Variants in NBPF20 observed in about 807,000 individuals in gnomAD.
NBPF20 encodes the protein NBPF member 20, also known as NBPF family member NBPF20.
NBPF20 carries 90 observed loss-of-function variants against 68.1 expected under a neutral mutation model. That is an observed-to-expected ratio of 1.32 (90% CI 1.11 to 1.58). The LOEUF (loss-of-function observed/expected upper bound fraction) is 1.58. NBPF20 is among the 40% of genes most tolerant of loss of function. The pLI is 0.00. For synonymous variants in NBPF20, 290 were observed against 228.1 expected (o/e 1.27, Z -2.45); for missense variants, 816 against 601.2 (o/e 1.36, Z -3.74).
upstream of NBPF20, among the ~76,000 whole-genome samples, chr1:145,410,288 C>T (rs1553668675): frequency 6.6e-6 from 1 of 151,632 alleles, no homozygotes. Flanking sequence ...AGCATCTTTT[C>T]CTATGCTAAT....
At chr1:145,396,896 C>A (rs1662274208) in intron 7 of NBPF20, among the ~76,000 whole-genome samples, 1 of 125,046 alleles carries the variant, frequency 8.0e-6, no homozygotes, top group Non-Finnish European at 1.7e-5. Context: ...TTAGGTATAT[C>A]TCCTAATGCT....
chr1:145,404,241 T>A (rs1233230078), intron 2 of NBPF20, among the ~76,000 whole-genome samples: 1 of 130,224 alleles, frequency 7.7e-6, no homozygotes, highest in African/African-American at 3.1e-5. Context: ...TTTTTATTTT[T>A]ATTTTTGATT....
At chr1:145,415,082 G>A in the NBPF20 span, among the ~76,000 whole-genome samples, 2 of 152,076 alleles carry the variant, frequency 1.3e-5, no homozygotes, top group African/African-American at 2.4e-5. Context: ...CCGGAGAGGG[G>A]GATGTGGCAG....
intron 3 of NBPF20, 129 bp downstream of exon 8, chr1:145,403,087 A>T: frequency 2.0e-6 from 2 of 980,668 alleles, no homozygotes; most frequent in South Asian, 1.3e-5. Context: ...ATTTATGTGT[A>T]GCGAGCCTGC....
intron 137 of NBPF20, 112 bp downstream of exon 142, chr1:145,292,269 G>C: frequency 1.6e-6 from 1 of 615,884 alleles, no homozygotes. Context: ...ATGACAGTAG[G>C]AGTAATTCAG....
In NBPF20 at chr1:145,394,636, G is replaced by T. The variant is rs1360497444; in HGVS notation, c.991+342C>A. On this transcript the variant is annotated intron_variant, in intron 8 of 137. Transcript: ENST00000369373. Reference sequence around the variant, plus strand: ...TCATAAGGAATTTTGTAGCTGGCAAGAGACATTTAATTCAGATGAGCTGAG... The same window carrying T: ...TCATAAGGAATTTTGTAGCTGGCAATAGACATTTAATTCAGATGAGCTGAG... 1.6e-4 allele frequency among the ~76,000 whole-genome samples: 24 copies of T among 152,158 alleles called. No individual in the cohort carries two copies. In the South Asian group the frequency reaches 4.8e-3, roughly 30 times the overall value.
intron 43 of NBPF20, among the ~76,000 whole-genome samples, chr1:145,366,605 C>G (rs1314164058): frequency 4.5e-4 from 40 of 88,588 alleles, no homozygotes; most frequent in African/African-American, 1.1e-3. Flanking sequence ...CACACACACA[C>G]ACAGAGAGAA....
At chr1:145,291,438 C>T (rs587649160) in exon 138 of NBPF20, 15 of 1,611,002 alleles carry the variant, frequency 9.3e-6, no homozygotes, top group Middle Eastern at 4.5e-4. Context: ...GTCTGGGCTT[C>T]CAAATGGAAC....
upstream of NBPF20, among the ~76,000 whole-genome samples, chr1:145,407,198 T>C (rs1407991467): frequency 6.6e-6 from 1 of 150,648 alleles, no homozygotes; most frequent in Non-Finnish European, 1.5e-5. Flanking sequence ...GGTGCGAGCA[T>C]GTTCTCACTC....
At chr1:145,366,837 G>T (rs1661709314) in intron 43 of NBPF20, among the ~76,000 whole-genome samples, 166 bp downstream of exon 48, 1 of 19,376 alleles carries the variant, frequency 5.2e-5, no homozygotes. Context: ...AGGAAGAAAT[G>T]GAAACCTAAA....
intron 7 of NBPF20, among the ~76,000 whole-genome samples, chr1:145,396,772 A>G (rs1662266645): frequency 6.7e-6 from 1 of 149,024 alleles, no homozygotes. Flanking sequence ...ATATATATAT[A>G]CAGATATATA....
upstream of NBPF20, chr1:145,405,928 T>C (rs1258322075): frequency 5.9e-6 from 1 of 170,802 alleles, no homozygotes; most frequent in Non-Finnish European, 1.3e-5. Context: ...TTTTCTTTTT[T>C]TTTTTTTGGA....
the NBPF20 span, among the ~76,000 whole-genome samples, chr1:145,411,092 C>G: frequency 3.4e-5 from 5 of 145,656 alleles, no homozygotes; most frequent in East Asian, 1.0e-3. Context: ...AATTCATTCA[C>G]CATTATTCTT....
chr1:145,425,353 C>G, the NBPF20 span, among the ~76,000 whole-genome samples: 1 of 152,084 alleles, frequency 6.6e-6, no homozygotes, highest in South Asian at 2.1e-4. Flanking sequence ...GCGCCTTCAC[C>G]TCGGAAACGC....
upstream of NBPF20, among the ~76,000 whole-genome samples, chr1:145,406,005 G>C (rs1407056091): frequency 2.7e-5 from 4 of 149,090 alleles, no homozygotes; most frequent in Admixed American, 2.7e-4. Flanking sequence ...TGCAAGCTCT[G>C]CCTCCCAGGT....
chr1:145,401,051 A>G lies in NBPF20; in HGVS notation c.566+8T>C. 1.2e-6 allele frequency: 2 copies of G among 1,602,340 alleles called. No individual in the cohort carries two copies. The highest frequency in any genetic ancestry group is 4.5e-5 in the East Asian group (2 of 44,858). On this transcript the variant is annotated splice_region_variant and intron_variant, in intron 5 of 137. Coordinates refer to ENST00000369373, the Ensembl canonical transcript of NBPF20. ...ATCCATTAATTGTTCCTGAGTATTC[A>G]GTGTTACCTGGGGGCAGACGATTTC...
exon 138 of NBPF20, chr1:145,291,275 T>A (rs1553657371): frequency 1.6e-5 from 10 of 629,676 alleles, no homozygotes; most frequent in Admixed American, 3.0e-5. Context: ...GTGGTTCAAA[T>A]TAAAATGTCT....
exon 138 of NBPF20, chr1:145,291,144 AG>A (rs1661043388): frequency 5.7e-6 from 2 of 347,940 alleles, no homozygotes; most frequent in Non-Finnish European, 1.1e-5. Context: ...CATTGAAACC[AG>A]GGTAACACCT....
intron 129 of NBPF20, among the ~76,000 whole-genome samples, chr1:145,298,378 A>T (rs1661343101): frequency 2.8e-5 from 4 of 144,232 alleles, no homozygotes; most frequent in South Asian, 2.2e-4. Context: ...ACAGACACAC[A>T]CACACACACA....
Sources: gnomAD v4.1 joint callset for allele counts (sites outside exome capture counted in the v4.1 genomes callset) on GRCh38, gnomAD v4.1.1 for gene constraint, MANE v1.5 for transcripts, NCBI Gene and HGNC (gene_info 2026-07-23, HGNC 2026-07-21) for gene names.